Variants in IL5RA observed in about 807,000 individuals in gnomAD.
IL5RA encodes interleukin-5 receptor subunit alpha.
In IL5RA, 49 loss-of-function variants were observed where a neutral mutation model predicts 50.0. The observed-to-expected ratio is 0.98, with a 90% confidence interval of 0.78 to 1.24. The LOEUF is 1.24. Ranked by LOEUF, IL5RA falls within the 50% of genes most tolerant of loss-of-function variation. IL5RA has a pLI of 0.00. For missense variants in IL5RA, 600 were observed against 500.4 expected (o/e 1.20, Z -1.90); for synonymous variants, 202 against 174.0 (o/e 1.16, Z -1.26).
At chr3:3,082,876 G>C in intron 9 of IL5RA, among the ~76,000 whole-genome samples, 1 of 152,214 alleles carries the variant, frequency 6.6e-6, no homozygotes, top group East Asian at 1.9e-4. Flanking sequence ...CTGCATGTAA[G>C]TATGAACTTT....
intron 5 of IL5RA, among the ~76,000 whole-genome samples, chr3:3,099,658 T>TTA (rs1553752867): frequency 5.5e-5 from 8 of 144,280 alleles, no homozygotes; most frequent in African/African-American, 7.7e-5. Flanking sequence ...TTTTATTTTA[T>TTA]TTATTATTAT....
In IL5RA at chr3:3,070,256, C is replaced by T. The variant is rs746590585; in HGVS notation, c.1232G>A (p.Gly411Glu). ...IEVICYIEKP[G>E]VETLEDSVF Reference sequence around the variant, plus strand: ...CACAGAATCCTCCAGGGTCTCAACTCCAGGCTTCTCTATATAACAGATGAC... The same window carrying T: ...CACAGAATCCTCCAGGGTCTCAACTTCAGGCTTCTCTATATAACAGATGAC... Residue 411 changes from glycine (G) to glutamate (E), a missense_variant, in exon 12 of 12, where the codon GGA becomes GAA. By Grantham distance (98) the Gly-to-Glu change is moderately conservative. Coordinates refer to ENST00000446632, the MANE Select transcript of IL5RA (RefSeq NM_175726.4). 1.2e-6 allele frequency: 2 copies of T among 1,613,382 alleles called. No homozygotes were observed. The highest frequency in any genetic ancestry group is 3.3e-5 in the Admixed American group (2 of 59,968).
intron 11 of IL5RA, 144 bp from the exon 12 acceptor site, chr3:3,070,455 G>T: frequency 1.7e-6 from 1 of 592,090 alleles, no homozygotes; most frequent in Non-Finnish European, 3.0e-6. Context: ...AAAGTGGGAA[G>T]AAGAAGAAAA....
In IL5RA at chr3:3,067,993, GC is replaced by G. The variant is rs1553746329; in HGVS notation, c.*2231del. ...GAGATCAGACAGGGTGCTCCAAGCCGCCCCAAAAGGACAGTTTTCTGGGGAC... is the reference window on the plus strand; with the variant it reads ...GAGATCAGACAGGGTGCTCCAAGCCGCCCAAAAGGACAGTTTTCTGGGGAC... On this transcript the variant is annotated 3_prime_UTR_variant, in exon 12 of 12. Coordinates refer to ENST00000446632, the MANE Select transcript of IL5RA (RefSeq NM_175726.4). The G allele has an allele frequency of 6.6e-6, 1 of 152,174 alleles. No individual in the cohort carries two copies. The highest frequency in any genetic ancestry group is 1.5e-5 in the Non-Finnish European group (1 of 68,034). The allele number at this position is 152,174 out of a possible 1,614,324, so 9.4% of individuals were successfully genotyped here. A position where few individuals can be genotyped will look rare whatever the true frequency, so the allele number is the denominator to read the frequency against.
At position 3,092,663 on chromosome 3, in the gene IL5RA, C is replaced by T. The variant is rs996195923; in HGVS notation, c.856-301G>A. On this transcript the variant is annotated intron_variant, in intron 8 of 11. Coordinates refer to ENST00000446632, the MANE Select transcript of IL5RA (RefSeq NM_175726.4). The surrounding 1 kb of genome is among the most constrained non-coding windows in gnomAD (Gnocchi z 4.2). ...GACTGAAAGACTGGAGTGGCCTATG[C>T]TAGAATGCATTATTCCCTCACCTTG... Among the ~76,000 whole-genome samples the T allele has an allele frequency of 2.6e-5, 4 of 152,192 alleles. No individual in the cohort carries two copies. Among genetic ancestry groups the T allele is most frequent in the Non-Finnish European group, 5.9e-5 (4 of 68,038 alleles).
chr3:3,094,955 G>C (rs17885297), intron 8 of IL5RA, among the ~76,000 whole-genome samples: 39,037 of 151,998 alleles, frequency 0.26, 5,851 homozygotes, highest in East Asian at 0.35. Context: ...TTGAACTCCT[G>C]GTCTCAGGTG....
chr3:3,102,803 C>G lies in IL5RA; in HGVS notation c.100G>C (p.Val34Leu), dbSNP rs1483010310. ...CCAGTAACTTTAATGGTGAAATTGA[C>G]AGGTGGGAGAAGTGAAACTGTTGAT... The part of the protein sequence containing the change: ...PDEKISLLPP[V>L]NFTIKVTGLA... The change falls in exon 4 of 12, where the codon GTC (valine) becomes CTC (leucine). Residue 34 changes from valine (V) to leucine (L), a missense_variant. Coordinates refer to ENST00000446632, the MANE Select transcript of IL5RA (RefSeq NM_175726.4). The G allele has an allele frequency of 6.2e-7, 1 of 1,609,012 alleles. No individual in the cohort carries two copies. Among genetic ancestry groups the G allele is most frequent in the South Asian group, 1.1e-5 (1 of 89,692 alleles).
At chr3:3,087,761 G>A (rs1218987461) in intron 9 of IL5RA, among the ~76,000 whole-genome samples, 1 of 152,136 alleles carries the variant, frequency 6.6e-6, no homozygotes, top group Admixed American at 6.6e-5. Context: ...ATAGTTAAAG[G>A]AAATGAATGT....
chr3:3,078,872 C>A (rs1359169559), intron 9 of IL5RA, among the ~76,000 whole-genome samples: 3 of 151,806 alleles, frequency 2.0e-5, no homozygotes, highest in African/African-American at 7.3e-5. Context: ...GGGATTCGGG[C>A]TGCTTCATTT....
chr3:3,085,193 A>C (rs930455145), intron 9 of IL5RA, among the ~76,000 whole-genome samples: 3 of 152,248 alleles, frequency 2.0e-5, no homozygotes, highest in Non-Finnish European at 4.4e-5. Context: ...GGAAAGCAGA[A>C]CCACAATAAG....
chr3:3,085,257 A>T (rs1206853490), intron 9 of IL5RA, among the ~76,000 whole-genome samples: 1 of 152,040 alleles, frequency 6.6e-6, no homozygotes, highest in Non-Finnish European at 1.5e-5. Flanking sequence ...TATTGGGTCA[A>T]CTCTTGTTAC....
In IL5RA at chr3:3,097,874, G is replaced by C. The variant is rs758906576; in HGVS notation, c.705C>G (p.Ala235=). The change falls in exon 7 of 12, where the codon GCC becomes GCG. Residue 235 remains alanine, a synonymous_variant. Coordinates refer to ENST00000446632, the MANE Select transcript of IL5RA (RefSeq NM_175726.4). ...RPFDQLFALH[A]IDQINPPLNV... ...TTTGGGTTAAGTCGGTCTTACCAATGGCGTGAAGGGCAAACAGCTGATCAA... is the reference window on the plus strand; with the variant it reads ...TTTGGGTTAAGTCGGTCTTACCAATCGCGTGAAGGGCAAACAGCTGATCAA... 1.9e-6 allele frequency: 3 copies of C among 1,612,696 alleles called. No individual in the cohort carries two copies. The highest frequency in any genetic ancestry group is 2.5e-6 in the Non-Finnish European group (3 of 1,179,108).
intron 9 of IL5RA, among the ~76,000 whole-genome samples, chr3:3,079,317 C>T (rs1010212064): frequency 1.3e-5 from 2 of 152,154 alleles, no homozygotes; most frequent in East Asian, 1.9e-4. Context: ...CAAAACCAAA[C>T]GCATGTTCTT....
chr3:3,092,023 G>T lies in IL5RA; in HGVS notation c.994+201C>A. ...CAGGTCTAGGAGAGTTGGCGCTAAT[G>T]AGAAGCCTAGACACTTAAAAACTTC... On this transcript the variant is annotated intron_variant, in intron 9 of 11. Transcript: ENST00000446632. The surrounding 1 kb of genome is among the most constrained non-coding windows in gnomAD (Gnocchi z 4.2). 7.7e-7 allele frequency: 1 copy of T among 1,294,606 alleles called. No individual in the cohort carries two copies. Among genetic ancestry groups the T allele is most frequent in the Non-Finnish European group, 9.8e-7 (1 of 1,023,560 alleles). The allele number at this position is 1,294,606 out of a possible 1,614,324, so 80.2% of individuals were successfully genotyped here. A position where few individuals can be genotyped will look rare whatever the true frequency, so the allele number is the denominator to read the frequency against.
At chr3:3,107,979 A>G (rs1004949734) in intron 2 of IL5RA, among the ~76,000 whole-genome samples, 1 of 152,136 alleles carries the variant, frequency 6.6e-6, no homozygotes, top group African/African-American at 2.4e-5. Flanking sequence ...TTATAACCAA[A>G]GTTATACTGG....
intron 5 of IL5RA, among the ~76,000 whole-genome samples, chr3:3,099,885 G>A (rs999620110): frequency 6.6e-6 from 1 of 151,970 alleles, no homozygotes; most frequent in Non-Finnish European, 1.5e-5. Context: ...GGCCAGGCTG[G>A]TCTCGAACAC....
Position 3,068,346 on chromosome 3 carries a change from T to A in IL5RA, c.*1879A>T, listed in dbSNP as rs1191428838. 6.6e-6 allele frequency: 1 copy of A among 152,006 alleles called. No homozygotes were observed. The highest frequency in any genetic ancestry group is 1.5e-5 in the Non-Finnish European group (1 of 68,080). The allele number at this position is 152,006 out of a possible 1,614,324, so 9.4% of individuals were successfully genotyped here. ...CAGTACTTTGGAAGGCTGAGGCCGG[T>A]GTATCGCTTGAGCCCAGGAGTTCGA... On this transcript the variant is annotated 3_prime_UTR_variant, in exon 12 of 12. Transcript: ENST00000446632.
At position 3,066,527 on chromosome 3, in the gene IL5RA, C is replaced by A. The variant is rs1178907170; in HGVS notation, c.*3698G>T. 1 of 152,176 alleles carries A rather than the reference C, an allele frequency of 6.6e-6. No homozygotes were observed. The highest frequency in any genetic ancestry group is 1.5e-5 in the Non-Finnish European group (1 of 68,032). 9.4% of individuals were successfully genotyped at this position (152,176 alleles called of 1,614,324 possible). A position where few individuals can be genotyped will look rare whatever the true frequency, so the allele number is the denominator to read the frequency against. On this transcript the variant is annotated 3_prime_UTR_variant, in exon 12 of 12. Transcript: ENST00000446632. ...AATAGCTACAGTCCTTAGGCTAGCACCAAGTCCTATTCTAATTAGGTTTTT... is the reference window on the plus strand; with the variant it reads ...AATAGCTACAGTCCTTAGGCTAGCAACAAGTCCTATTCTAATTAGGTTTTT...
At chr3:3,070,461 G>T in intron 11 of IL5RA, 150 bp from the exon 12 acceptor site, 1 of 573,674 alleles carries the variant, frequency 1.7e-6, no homozygotes, top group Non-Finnish European at 3.1e-6. Context: ...GGAAGAAGAA[G>T]AAAATACCTA....
Sources: gnomAD v4.1 joint callset for allele counts (sites outside exome capture counted in the v4.1 genomes callset) on GRCh38, gnomAD v4.1.1 for gene constraint, Gnocchi (gnomAD v3.1) non-coding constraint, MANE v1.5 for transcripts, NCBI Gene and HGNC (gene_info 2026-07-23, HGNC 2026-07-21) for gene names.